The following PRIM2 variants were observed in gnomAD, a reference collection of about 807,000 sequenced individuals.
PRIM2 encodes DNA primase large subunit.
A neutral mutation model predicts 67.3 loss-of-function variants in PRIM2; 39 were observed. The observed-to-expected ratio is 0.58, with a 90% CI of 0.45 to 0.76. The LOEUF (loss-of-function observed/expected upper bound fraction) is 0.76, where lower values mean the gene tolerates loss of function less well. Among genes scored for constraint, PRIM2 ranks in the 30% least tolerant of loss-of-function variants. The pLI is 0.00. For synonymous variants in PRIM2, 143 were observed against 198.7 expected, an observed-to-expected ratio of 0.72 and a Z score of 2.36; for missense variants, 398 against 598.7, an observed-to-expected ratio of 0.66 and a Z score of 3.50.
intron 8 of PRIM2, among the ~76,000 whole-genome samples, chr6:57,524,308 A>G (rs2127465328): frequency 6.6e-6 from 1 of 152,348 alleles, no homozygotes; most frequent in South Asian, 2.1e-4. Flanking sequence ...CTGGCCTCTT[A>G]TGTTTAATGA....
At chr6:57,586,402 C>T (rs1331825754) in intron 10 of PRIM2, among the ~76,000 whole-genome samples, 3 of 151,978 alleles carry the variant, frequency 2.0e-5, no homozygotes, top group South Asian at 2.1e-4. Context: ...CATTTCCATT[C>T]GTATGAGAGA....
the PRIM2 span, among the ~76,000 whole-genome samples, chr6:57,288,102 T>C: frequency 6.6e-6 from 1 of 152,194 alleles, no homozygotes. Flanking sequence ...TCTTCACAAC[T>C]GGCAGACCAG....
intron 5 of PRIM2, among the ~76,000 whole-genome samples, chr6:57,378,847 C>T (rs7772683): frequency 1.3e-5 from 2 of 151,880 alleles, no homozygotes; most frequent in South Asian, 2.1e-4. Context: ...GAGGTTGACC[C>T]AAATAATATA....
chr6:57,330,348 GTTT>G (rs1238317111), intron 5 of PRIM2, among the ~76,000 whole-genome samples: 1 of 87,838 alleles, frequency 1.1e-5, no homozygotes, highest in African/African-American at 5.0e-5. Flanking sequence ...TGCTGAACTT[GTTT>G]TTTTTTTTTG....
intron 5 of PRIM2, among the ~76,000 whole-genome samples, chr6:57,342,301 A>G (rs1768519372): frequency 6.6e-6 from 1 of 152,236 alleles, no homozygotes; most frequent in Admixed American, 6.5e-5. Flanking sequence ...TGAAATTTCT[A>G]AGGCGTTTCA....
At chr6:57,394,352 G>C (rs1373637188) in intron 7 of PRIM2, among the ~76,000 whole-genome samples, 1 of 151,780 alleles carries the variant, frequency 6.6e-6, no homozygotes, top group African/African-American at 2.4e-5. Flanking sequence ...AGTGTTTTGC[G>C]GTTTTCCTTG....
At chr6:57,277,533 G>T in the PRIM2 span, among the ~76,000 whole-genome samples, 1 of 152,174 alleles carries the variant, frequency 6.6e-6, no homozygotes, top group Admixed American at 6.5e-5. Context: ...CCCATTTAAA[G>T]TTAAATGTGT....
At chr6:57,289,720 A>G in the PRIM2 span, among the ~76,000 whole-genome samples, 1 of 152,214 alleles carries the variant, frequency 6.6e-6, no homozygotes, top group Non-Finnish European at 1.5e-5. Context: ...TCATAAGTGA[A>G]GGAGAAATAA....
chr6:57,444,474 G>A (rs1353688035), intron 7 of PRIM2, among the ~76,000 whole-genome samples: 2 of 151,446 alleles, frequency 1.3e-5, no homozygotes, highest in Admixed American at 1.3e-4. Context: ...GGCTGGGGCA[G>A]AAGAATCGCT....
At chr6:57,237,415 T>A in the PRIM2 span, among the ~76,000 whole-genome samples, 8 of 152,204 alleles carry the variant, frequency 5.3e-5, no homozygotes, top group Non-Finnish European at 1.5e-5. Context: ...AGCTCTTTAG[T>A]TTAATTAGAT....
intron 8 of PRIM2, among the ~76,000 whole-genome samples, chr6:57,521,385 T>TTGTTG (rs1373682294): frequency 3.4e-5 from 5 of 148,336 alleles, no homozygotes; most frequent in African/African-American, 1.2e-4. Flanking sequence ...TTTTTTTTTT[T>TTGTTG]TTTTTTTTAA....
At chr6:57,450,039 C>T (rs1212021665) in intron 7 of PRIM2, among the ~76,000 whole-genome samples, 1 of 151,972 alleles carries the variant, frequency 6.6e-6, no homozygotes, top group Admixed American at 6.6e-5. Context: ...TTCTAGAGAG[C>T]CTGTCACTTA....
At chr6:57,350,107 CAGAT>C (rs1466166144) in intron 5 of PRIM2, among the ~76,000 whole-genome samples, 3 of 152,144 alleles carry the variant, frequency 2.0e-5, no homozygotes, top group Non-Finnish European at 4.4e-5. Context: ...GCTAACCTCT[CAGAT>C]AGGAAGGATT....
At chr6:57,530,108 A>G (rs1209484862) in intron 8 of PRIM2, among the ~76,000 whole-genome samples, 47 of 152,264 alleles carry the variant, frequency 3.1e-4, no homozygotes, top group African/African-American at 1.1e-3. Flanking sequence ...CACATTAGGG[A>G]TTAAATTTAA....
rs1312215650 is a variant in PRIM2, at chr6:57,601,188, G to A, written c.1116G>A (p.Leu372=). Residue 372 remains leucine, a synonymous_variant, in exon 11 of 14, where the codon CTG becomes CTA. Coordinates refer to ENST00000615550, the MANE Select transcript of PRIM2 (RefSeq NM_000947.5). The part of the protein sequence containing the change: ...YTPFSCLKII[L]SNPPSQGDYH... ...CTTTCAGTTGCCTGAAGATTATTCT[G>A]TCCAATCCACCAAGCCAAGGGGATT... The A allele has an allele frequency of 7.8e-5, 126 of 1,610,818 alleles. No homozygotes were observed. In the African/African-American group the frequency reaches 1.6e-3, roughly 20 times the overall value.
the PRIM2 span, among the ~76,000 whole-genome samples, chr6:57,303,795 G>T: frequency 6.6e-6 from 1 of 151,960 alleles, no homozygotes; most frequent in African/African-American, 2.4e-5. Flanking sequence ...TTGTTTGTTT[G>T]TTTCTGTTTT....
chr6:57,397,075 G>A (rs1036410222), intron 7 of PRIM2, among the ~76,000 whole-genome samples: 28 of 152,122 alleles, frequency 1.8e-4, no homozygotes, highest in Admixed American at 1.4e-3. Context: ...GTTACCTGGT[G>A]CTTCTGTCTC....
chr6:57,279,456 G>A, the PRIM2 span, among the ~76,000 whole-genome samples: 12 of 151,164 alleles, frequency 7.9e-5, no homozygotes, highest in African/African-American at 2.7e-4. Flanking sequence ...GTGTGGATCC[G>A]TCAATGCAGT....
chr6:57,378,774 T>G (rs1769860207), intron 5 of PRIM2, among the ~76,000 whole-genome samples: 1 of 152,170 alleles, frequency 6.6e-6, no homozygotes, highest in Admixed American at 6.5e-5. Flanking sequence ...TATATTAACT[T>G]TCTGTGCTGT....
Sources: gnomAD v4.1 joint callset for allele counts (sites outside exome capture counted in the v4.1 genomes callset) on GRCh38, gnomAD v4.1.1 for gene constraint, MANE v1.5 for transcripts, NCBI Gene and HGNC (gene_info 2026-07-23, HGNC 2026-07-21) for gene names.